SC5D: variants seen among roughly 807,000 people sequenced by gnomAD.
The protein encoded by SC5D is lathosterol oxidase.
A neutral mutation model predicts 23.9 loss-of-function variants in SC5D; 21 were observed. That is an observed-to-expected ratio of 0.88 (90% CI 0.62 to 1.26). The LOEUF (loss-of-function observed/expected upper bound fraction) is 1.26. Ranked by LOEUF, SC5D falls within the 50% of genes most tolerant of loss-of-function variation. SC5D has a pLI of 0.00. For synonymous variants in SC5D, 113 were observed against 125.9 expected (o/e 0.90, Z 0.68); for missense variants, 309 against 364.8 (o/e 0.85, Z 1.25).
chr11:121,295,280 A>G (rs1356442744), intron 1 of SC5D, among the ~76,000 whole-genome samples: 1 of 152,238 alleles, frequency 6.6e-6, no homozygotes, highest in African/African-American at 2.4e-5. Context: ...GAGACATGAG[A>G]CATCAATCAA....
chr11:121,297,976 T>C (rs1037085092), intron 1 of SC5D, among the ~76,000 whole-genome samples: 11 of 152,154 alleles, frequency 7.2e-5, no homozygotes, highest in African/African-American at 2.7e-4. Context: ...GGTTATAGTT[T>C]TTAATCATTT....
chr11:121,296,850 C>T (rs1026348692), intron 1 of SC5D, among the ~76,000 whole-genome samples: 1 of 152,068 alleles, frequency 6.6e-6, no homozygotes, highest in African/African-American at 2.4e-5. Flanking sequence ...TAATTCATAT[C>T]ATAAACAAAG....
At position 121,310,931 on chromosome 11, in the gene SC5D, T is replaced by G. The variant is rs1393238362; in HGVS notation, c.*3419T>G. On this transcript the variant is annotated 3_prime_UTR_variant, in exon 5 of 5. Transcript: ENST00000264027. ...ATAGATTACCCAGTTGAAGATACTTTGTTAAGGCAGTACAAATGGACTAAG... is the reference window on the plus strand; with the variant it reads ...ATAGATTACCCAGTTGAAGATACTTGGTTAAGGCAGTACAAATGGACTAAG... Among the ~76,000 whole-genome samples, 1 of 152,240 alleles carries G rather than the reference T, an allele frequency of 6.6e-6. No individual in the cohort carries two copies. The highest frequency in any genetic ancestry group is 1.5e-5 in the Non-Finnish European group (1 of 68,042).
Position 121,309,963 on chromosome 11 carries a change from CAG to C in SC5D, c.*2455_*2456del, listed in dbSNP as rs1472498464. ...GGTTCGAGAAGACCTTTCAGAAACA[CAG>C]AGACTGAGTCTTTGTCTTCCATGCT... is the stretch of plus-strand genomic sequence containing the variant. On this transcript the variant is annotated 3_prime_UTR_variant, in exon 5 of 5. Transcript: ENST00000264027. 6.6e-6 allele frequency among the ~76,000 whole-genome samples: 1 copy of C among 152,196 alleles called. No individual in the cohort carries two copies. Among genetic ancestry groups the C allele is most frequent in the Non-Finnish European group, 1.5e-5 (1 of 68,038 alleles).
At chr11:121,295,304 T>C (rs966329577) in intron 1 of SC5D, among the ~76,000 whole-genome samples, 6 of 152,208 alleles carry the variant, frequency 3.9e-5, no homozygotes, top group Admixed American at 1.3e-4. Flanking sequence ...GTGTAAGAAG[T>C]ACATTGGTTG....
rs1947977950 is a variant in SC5D, at chr11:121,307,660, A to G, written c.*148A>G. ...ATCAGCATCGTGGGCACTGCTGAGG[A>G]ATGATCCTAGTGGTAGGTCAGAAGA... is the stretch of plus-strand genomic sequence containing the variant. On this transcript the variant is annotated 3_prime_UTR_variant, in exon 5 of 5. Coordinates refer to ENST00000264027, the MANE Select transcript of SC5D (RefSeq NM_006918.5). The G allele has an allele frequency of 3.2e-6, 2 of 620,880 alleles. No homozygotes were observed. The highest frequency in any genetic ancestry group is 3.1e-5 in the Admixed American group (1 of 32,474). 38.5% of individuals were successfully genotyped at this position (620,880 alleles called of 1,614,324 possible).
At position 121,310,865 on chromosome 11, in the gene SC5D, C is replaced by T. The variant is rs533070020; in HGVS notation, c.*3353C>T. The stretch of plus-strand genomic sequence containing the variant: ...ACCAACTGGTGCTTAACCGTGACTT[C>T]CCAGCCTCCAGAGCTGTAAGAAAAT... On this transcript the variant is annotated 3_prime_UTR_variant, in exon 5 of 5. Coordinates refer to ENST00000264027, the MANE Select transcript of SC5D (RefSeq NM_006918.5). Among the ~76,000 whole-genome samples the T allele has an allele frequency of 1.3e-5, 2 of 152,266 alleles. No homozygotes were observed. Among genetic ancestry groups the T allele is most frequent in the South Asian group, 2.1e-4 (1 of 4,824 alleles).
intron 1 of SC5D, among the ~76,000 whole-genome samples, chr11:121,297,045 C>T (rs978924217): frequency 6.6e-6 from 1 of 152,110 alleles, no homozygotes; most frequent in Non-Finnish European, 1.5e-5. Context: ...TAAGTATACC[C>T]GAGATAGCCC....
chr11:121,304,522 A>G, intron 3 of SC5D, 29 bp downstream of exon 3: 1 of 1,607,106 alleles, frequency 6.2e-7, no homozygotes, highest in East Asian at 2.2e-5. Context: ...TGTCAGGAAG[A>G]GAGTAGTCTA....
intron 4 of SC5D, chr11:121,306,815 G>C: frequency 1.6e-6 from 1 of 628,368 alleles, no homozygotes; most frequent in Non-Finnish European, 2.8e-6. Context: ...TCAGGTGCTA[G>C]GTACACTAAA....
chr11:121,293,879 T>C (rs961369444), intron 1 of SC5D, among the ~76,000 whole-genome samples: 1 of 152,166 alleles, frequency 6.6e-6, no homozygotes, highest in Non-Finnish European at 1.5e-5. Context: ...AAGAGAAAGG[T>C]TGTGGAATGT....
At chr11:121,295,770 C>T (rs1262717368) in intron 1 of SC5D, among the ~76,000 whole-genome samples, 1 of 152,224 alleles carries the variant, frequency 6.6e-6, no homozygotes, top group Non-Finnish European at 1.5e-5. Context: ...TCTGCTAGCT[C>T]TGCCAGTATT....
rs1290062272 is a variant in SC5D at position 121,310,023 on chromosome 11, C to T, written c.*2511C>T. ...CAGTACTGAGTGAATTTCCTTATACCCTTGTATCATGTTTTCCTCCCATCT... is the reference window on the plus strand; with the variant it reads ...CAGTACTGAGTGAATTTCCTTATACTCTTGTATCATGTTTTCCTCCCATCT... On this transcript the variant is annotated 3_prime_UTR_variant, in exon 5 of 5. Transcript: ENST00000264027. 6.6e-6 allele frequency among the ~76,000 whole-genome samples: 1 copy of T among 152,066 alleles called. No homozygotes were observed. The highest frequency in any genetic ancestry group is 2.1e-4 in the South Asian group (1 of 4,820).
At chr11:121,298,638 A>G (rs576565583) in intron 1 of SC5D, among the ~76,000 whole-genome samples, 2 of 152,350 alleles carry the variant, frequency 1.3e-5, no homozygotes, top group Admixed American at 1.3e-4. Context: ...AATGCTGAAC[A>G]TTAATCCTGA....
chr11:121,298,228 A>C (rs571003913), intron 1 of SC5D, among the ~76,000 whole-genome samples: 1 of 152,280 alleles, frequency 6.6e-6, no homozygotes, highest in African/African-American at 2.4e-5. Context: ...CCAACCTCTG[A>C]GCTCAAGGAA....
Position 121,307,593 on chromosome 11 carries a change from A to C in SC5D, c.*81A>C, listed in dbSNP as rs1061332. Reference sequence around the variant, plus strand: ...TTTTTTTTAATAAGGAAAAAATAATATCCATACAGTCAAGATACATAGTAA... The same window carrying C: ...TTTTTTTTAATAAGGAAAAAATAATCTCCATACAGTCAAGATACATAGTAA... On this transcript the variant is annotated 3_prime_UTR_variant, in exon 5 of 5. Transcript: ENST00000264027. 651,004 of 917,434 alleles carry C rather than the reference A, an allele frequency of 0.71. 232,423 individuals carry two copies. Among genetic ancestry groups the C allele is most frequent in the Admixed American group, 0.78 (29,663 of 37,976 alleles). 56.8% of individuals were successfully genotyped at this position (917,434 alleles called of 1,614,324 possible).
intron 3 of SC5D, chr11:121,305,512 A>T (rs1488808046): frequency 6.6e-6 from 1 of 152,052 alleles, no homozygotes; most frequent in East Asian, 1.9e-4. Flanking sequence ...GAGGATCACG[A>T]GGTCAGGAGT....
intron 1 of SC5D, 63 bp from the exon 2 acceptor site, chr11:121,303,302 GA>G: frequency 7.2e-7 from 1 of 1,380,164 alleles, no homozygotes; most frequent in Non-Finnish European, 1.0e-6. Context: ...TAGTGTTTCT[GA>G]AAAATTTTTG....
rs1947939365 is a variant in SC5D at position 121,303,413 on chromosome 11, T to G, written c.38T>G (p.Phe13Cys). 6 of 1,614,074 alleles carry G rather than the reference T, an allele frequency of 3.7e-6. No individual in the cohort carries two copies. The highest frequency in any genetic ancestry group is 5.1e-6 in the Non-Finnish European group (6 of 1,179,978). Residue 13 changes from phenylalanine to cysteine, a missense_variant, in exon 2 of 5, where the codon TTT (phenylalanine) becomes TGT (cysteine). Coordinates refer to ENST00000264027, the MANE Select transcript of SC5D (RefSeq NM_006918.5). ...CTCCGTGTTGCAGATTACTATTTTT[T>G]TACACCATACGTGTATCCAGCCACA... ...LVLRVADYYF[F>C]TPYVYPATWP... is the part of the protein sequence containing the mutation.
Sources: gnomAD v4.1 joint callset for allele counts (sites outside exome capture counted in the v4.1 genomes callset) on GRCh38, gnomAD v4.1.1 for gene constraint, MANE v1.5 for transcripts, NCBI Gene and HGNC (gene_info 2026-07-23, HGNC 2026-07-21) for gene names.